DYM: variants seen among roughly 807,000 people sequenced by gnomAD.
DYM encodes the protein dymeclin.
DYM carries 78 observed loss-of-function variants against 93.1 expected under a neutral mutation model. The ratio of observed to expected loss-of-function variants is 0.84; its 90% CI spans 0.70 to 1.01. The LOEUF (loss-of-function observed/expected upper bound fraction) is 1.01, where lower values mean the gene tolerates loss of function less well. Ranked by LOEUF, DYM falls within the 50% of genes least tolerant of loss-of-function variation. The probability of loss-of-function intolerance (pLI) is 0.00; values close to 1 mark genes in which losing one functional copy is unlikely to be tolerated. For synonymous variants in DYM, 321 were observed against 319.7 expected (o/e 1.00, Z -0.04); for missense variants, 789 against 845.0 (o/e 0.93, Z 0.82).
intron 15 of DYM, among the ~76,000 whole-genome samples, chr18:49,121,625 T>G (rs981555584): frequency 2.0e-5 from 3 of 152,028 alleles, no homozygotes; most frequent in Non-Finnish European, 4.4e-5. Context: ...CAAATTCAAA[T>G]TATTAAAGAC....
chr18:49,233,727 A>G (rs1365311392), intron 13 of DYM, among the ~76,000 whole-genome samples: 1 of 152,194 alleles, frequency 6.6e-6, no homozygotes, highest in Non-Finnish European at 1.5e-5. Context: ...GCTGCAATTA[A>G]TAAAGACTAT....
intron 13 of DYM, among the ~76,000 whole-genome samples, chr18:49,215,624 A>C (rs1600716060): frequency 6.6e-6 from 1 of 152,334 alleles, no homozygotes; most frequent in Non-Finnish European, 1.5e-5. Context: ...TGTTGAAAAG[A>C]TTATACTCTA....
At chr18:49,214,506 G>C (rs1568026989) in intron 13 of DYM, among the ~76,000 whole-genome samples, 2 of 151,138 alleles carry the variant, frequency 1.3e-5, no homozygotes. Flanking sequence ...CAAAGGTTGA[G>C]GACTGCTGTC....
intron 15 of DYM, among the ~76,000 whole-genome samples, chr18:49,137,102 T>C (rs768368144): frequency 6.6e-6 from 1 of 152,222 alleles, no homozygotes; most frequent in African/African-American, 2.4e-5. Context: ...AACATTTGCA[T>C]AGGACAATCC....
intron 13 of DYM, among the ~76,000 whole-genome samples, chr18:49,215,638 A>C (rs1315979551): frequency 6.6e-6 from 1 of 152,218 alleles, no homozygotes; most frequent in East Asian, 1.9e-4. Context: ...TACTCTATTA[A>C]TGCTGCTTAA....
intron 15 of DYM, among the ~76,000 whole-genome samples, chr18:49,130,825 C>T (rs543402445): frequency 1.2e-4 from 18 of 152,198 alleles, no homozygotes; most frequent in African/African-American, 3.6e-4. Flanking sequence ...AAGTACAAGG[C>T]GCTATGGGAG....
intron 16 of DYM, among the ~76,000 whole-genome samples, chr18:49,112,100 T>C (rs2081455863): frequency 9.2e-6 from 1 of 108,628 alleles, no homozygotes; most frequent in Non-Finnish European, 2.2e-5. Context: ...GTTTGGTGCC[T>C]GCCTCTGCAC....
intron 15 of DYM, among the ~76,000 whole-genome samples, chr18:49,155,835 T>C (rs1347245303): frequency 6.6e-6 from 1 of 152,230 alleles, no homozygotes; most frequent in Admixed American, 6.5e-5. Context: ...ACTTCAGTTG[T>C]TTCCATTTTT....
intron 8 of DYM, among the ~76,000 whole-genome samples, chr18:49,330,298 AG>A (rs1192181857): frequency 1.3e-5 from 2 of 152,212 alleles, no homozygotes; most frequent in African/African-American, 4.8e-5. Flanking sequence ...TAAAACCGTG[AG>A]AAAAAAAAGA....
At chr18:49,302,278 G>A (rs903758995) in intron 8 of DYM, among the ~76,000 whole-genome samples, 6 of 152,074 alleles carry the variant, frequency 3.9e-5, no homozygotes, top group Non-Finnish European at 7.3e-5. Context: ...AATAGATACT[G>A]TTCCTTGCAA....
Position 49,338,845 on chromosome 18 carries a change from C to T in DYM, c.495-4992G>A, listed in dbSNP as rs376338611. ...TTTGTAACATAAGCACAAGAAAGGA[C>T]TTATTAAATAAAAGCCTAAGAACAC... On this transcript the variant is annotated intron_variant, in intron 6 of 17. Transcript: ENST00000675505. Among the ~76,000 whole-genome samples the T allele has an allele frequency of 1.2e-4, 19 of 152,230 alleles. No individual in the cohort carries two copies. The East Asian group carries it at 3.3e-3, about 26-fold the overall frequency.
intron 14 of DYM, among the ~76,000 whole-genome samples, chr18:49,189,030 G>A (rs1298384003): frequency 1.3e-5 from 2 of 152,044 alleles, no homozygotes; most frequent in Middle Eastern, 3.2e-3. Flanking sequence ...ATTTTGCAGT[G>A]ATTCCTAGGT....
intron 5 of DYM, among the ~76,000 whole-genome samples, chr18:49,365,021 C>T (rs1389034833): frequency 6.6e-6 from 1 of 152,080 alleles, no homozygotes; most frequent in Non-Finnish European, 1.5e-5. Flanking sequence ...CCCTACTGGA[C>T]TCTATACTTC....
intron 17 of DYM, among the ~76,000 whole-genome samples, chr18:49,080,825 G>A (rs537909168): frequency 6.6e-5 from 10 of 151,266 alleles, no homozygotes; most frequent in East Asian, 5.9e-4. Context: ...CTTCTCAGAC[G>A]GGGCGGCTGG....
chr18:49,363,217 ATCT>A lies in DYM; in HGVS notation c.435_437del (p.Glu145del). On this transcript the variant is annotated inframe_deletion, in exon 6 of 18. Coordinates refer to ENST00000675505, the MANE Select transcript of DYM (RefSeq NM_001353214.3). ...AACAGCACAGCAATTCTTCCAAAAG[ATCT>A]TCTGAGTCAGAACCTGGTAAGACAC... 6.2e-7 allele frequency: 1 copy of A among 1,613,916 alleles called. No individual in the cohort carries two copies. Among genetic ancestry groups the A allele is most frequent in the Non-Finnish European group, 8.5e-7 (1 of 1,179,850 alleles).
chr18:49,055,340 CAG>C (rs1276645120), intron 17 of DYM, among the ~76,000 whole-genome samples: 6 of 152,160 alleles, frequency 3.9e-5, no homozygotes, highest in African/African-American at 1.4e-4. Flanking sequence ...AGATGGAGGA[CAG>C]AGACTCGTGA....
At chr18:49,111,993 C>T (rs1216763439) in intron 16 of DYM, among the ~76,000 whole-genome samples, 10 of 152,110 alleles carry the variant, frequency 6.6e-5, no homozygotes, top group South Asian at 2.1e-4. Flanking sequence ...CCTGGGGCTG[C>T]GACAGTTTCC....
chr18:49,201,786 C>A (rs1182742257), intron 14 of DYM, among the ~76,000 whole-genome samples: 1 of 152,194 alleles, frequency 6.6e-6, no homozygotes, highest in African/African-American at 2.4e-5. Context: ...CGCAGATAAT[C>A]CTGTTTCAGA....
intron 17 of DYM, among the ~76,000 whole-genome samples, chr18:49,088,444 G>A (rs903699185): frequency 6.6e-6 from 1 of 151,654 alleles, no homozygotes; most frequent in South Asian, 2.1e-4. Context: ...ATAGCATTAG[G>A]AGATATGCCT....
Sources: gnomAD v4.1 joint callset for allele counts (sites outside exome capture counted in the v4.1 genomes callset) on GRCh38, gnomAD v4.1.1 for gene constraint, MANE v1.5 for transcripts, NCBI Gene and HGNC (gene_info 2026-07-23, HGNC 2026-07-21) for gene names.